ZNF497: variants seen among roughly 807,000 people sequenced by gnomAD.
ZNF497 encodes the protein zinc finger-like protein.
For synonymous variants in ZNF497, 422 were observed against 313.7 expected (o/e 1.35, Z -3.65); for missense variants, 930 against 714.0 (o/e 1.30, Z -3.45).
In ZNF497 at chr19:58,357,418, T is replaced by A. The variant is rs2052040306; in HGVS notation, c.218A>T (p.Glu73Val). The A allele has an allele frequency of 1.2e-6, 2 of 1,601,156 alleles. No individual in the cohort carries two copies. The highest frequency in any genetic ancestry group is 8.5e-7 in the Non-Finnish European group (1 of 1,174,482). Reference protein sequence around the residue: ...AADEQGGPGRELGPADGGRDG... With the variant: ...AADEQGGPGRVLGPADGGRDG... The stretch of plus-strand genomic sequence containing the variant: ...CCGCCCACCGTCTGCGGGGCCCAGC[T>A]CCCTGCCGGGGCCTCCCTGTTCGTC... The change falls in exon 3 of 3, where the codon GAG (glutamate) becomes GTG (valine). Residue 73 changes from glutamate (E) to valine (V), a missense_variant. Physicochemically the swap from Glu to Val is moderately radical, Grantham distance 121. Transcript: ENST00000311044.
intron 1 of ZNF497, among the ~76,000 whole-genome samples, chr19:58,361,893 G>T (rs78690819): frequency 0.02 from 3,053 of 152,292 alleles, 42 homozygotes; most frequent in South Asian, 0.032. Context: ...TCCATCCTGT[G>T]GTGTGCGACC....
At position 58,356,898 on chromosome 19, in the gene ZNF497, G is replaced by C. The variant is rs555875985; in HGVS notation, c.738C>G (p.His246Gln). 6.3e-7 allele frequency: 1 copy of C among 1,585,068 alleles called. No individual in the cohort carries two copies. Among genetic ancestry groups the C allele is most frequent in the Admixed American group, 1.8e-5 (1 of 57,020 alleles). ...AGGCCTTGCCACAGTCCCGGCAGGC[G>C]TGCGGCCGCGCGCCCGTGTGCACGC... Reference protein sequence around the residue: ...HRRVHTGARPHACRDCGKAFS... With the variant: ...HRRVHTGARPQACRDCGKAFS... The change falls in exon 3 of 3, where the codon CAC becomes CAG. Residue 246 changes from histidine to glutamine, a missense_variant. Transcript: ENST00000311044.
chr19:58,356,008 G>A lies in ZNF497; in HGVS notation c.*131C>T, dbSNP rs369505027. 7 of 1,061,110 alleles carry A rather than the reference G, an allele frequency of 6.6e-6. No homozygotes were observed. Among genetic ancestry groups the A allele is most frequent in the African/African-American group, 4.9e-5 (3 of 61,102 alleles). 65.7% of individuals were successfully genotyped at this position (1,061,110 alleles called of 1,614,324 possible). On this transcript the variant is annotated 3_prime_UTR_variant, in exon 3 of 3. Transcript: ENST00000311044. ...GCCAGGGTTCTCCACACCCAAGGCC[G>A]CCCCTGCACTCCCAGCAGGAGGGCG...
chr19:58,359,098 C>T, intron 1 of ZNF497: 1 of 959,682 alleles, frequency 1.0e-6, no homozygotes, highest in Non-Finnish European at 1.5e-6. Context: ...GGCAACACAG[C>T]TCACGCAGCT....
chr19:58,361,707 G>A (rs1166349737), intron 1 of ZNF497, among the ~76,000 whole-genome samples: 9 of 152,094 alleles, frequency 5.9e-5, no homozygotes, highest in Non-Finnish European at 1.3e-4. Context: ...AGCGTACATA[G>A]GGTATGCATT....
chr19:58,358,615 G>A (rs2052055016), intron 1 of ZNF497, 30 bp from the exon 2 acceptor site: 1 of 1,132,062 alleles, frequency 8.8e-7, no homozygotes, highest in Admixed American at 3.4e-5. Context: ...AGGGCAGGGT[G>A]AGGTGTTCAG....
chr19:58,357,541 C>T lies in ZNF497; in HGVS notation c.95G>A (p.Gly32Glu). The change falls in exon 3 of 3, where the codon GGG becomes GAG. Residue 32 changes from glycine to glutamate, a missense_variant. Transcript: ENST00000311044. ...VKTATRGLSE[G>E]AVSGGWGAWE... ...GGCCCCCCAGCCTCCAGACACAGCC[C>T]CCTCAGAGAGGCCCCTCGTGGCAGT... 1 of 1,605,830 alleles carries T rather than the reference C, an allele frequency of 6.2e-7. No individual in the cohort carries two copies. The highest frequency in any genetic ancestry group is 1.1e-5 in the South Asian group (1 of 90,186).
Position 58,356,752 on chromosome 19 carries a change from G to C in ZNF497, c.884C>G (p.Thr295Arg). Reference sequence around the variant, plus strand: ...GGGGAAGGGCTTCTCGCTGCTGTGCGTGCGCCGGTGCTGCCGCAGCCCCGC... The same window carrying C: ...GGGGAAGGGCTTCTCGCTGCTGTGCCTGCGCCGGTGCTGCCGCAGCCCCGC... ...RVAGLRQHRRTHSSEKPFPCA... is the reference protein window; with the variant it reads ...RVAGLRQHRRRHSSEKPFPCA... The change falls in exon 3 of 3, where the codon ACG (threonine) becomes AGG (arginine). Residue 295 changes from threonine (T) to arginine (R), a missense_variant. Physicochemically the swap from Thr to Arg is moderately conservative, Grantham distance 71. Transcript: ENST00000311044. 6.4e-7 allele frequency: 1 copy of C among 1,561,566 alleles called. No homozygotes were observed. Among genetic ancestry groups the C allele is most frequent in the Non-Finnish European group, 8.6e-7 (1 of 1,160,604 alleles).
At position 58,356,829 on chromosome 19, in the gene ZNF497, C is replaced by G. The variant is rs1487190130; in HGVS notation, c.807G>C (p.Ala269=). ...CGGGACAGGCGTGTGGCCGTGCGCC[C>G]GCGTGGATCTTCAGGTGCTCGGCCA... is the stretch of plus-strand genomic sequence containing the variant. The part of the protein sequence containing the change: ...SNLAEHLKIH[A]GARPHACPDC... Residue 269 remains alanine, a synonymous_variant, in exon 3 of 3, where the codon GCG becomes GCC. Coordinates refer to ENST00000311044, the MANE Select transcript of ZNF497 (RefSeq NM_198458.3). The G allele has an allele frequency of 1.3e-6, 2 of 1,570,386 alleles. No homozygotes were observed. The highest frequency in any genetic ancestry group is 1.8e-5 in the Admixed American group (1 of 54,902).
intron 1 of ZNF497, among the ~76,000 whole-genome samples, chr19:58,360,843 G>A (rs1004972994): frequency 2.4e-5 from 3 of 123,930 alleles, no homozygotes; most frequent in Non-Finnish European, 4.7e-5. Context: ...GTCCAGTGGC[G>A]CTATCCTGGC....
chr19:58,356,391 G>A lies in ZNF497; in HGVS notation c.1245C>T (p.Ala415=), dbSNP rs752347319. 2.6e-6 allele frequency: 4 copies of A among 1,565,518 alleles called. No homozygotes were observed. In the East Asian group the frequency reaches 7.0e-5, roughly 27 times the overall value. ...GGAAGGCCTTGCCGCATTCTGCGCA[G>A]GCGAAGGGTCGCTCTCCCGTGTGCG... The part of the protein sequence containing the change: ...RLSHTGERPF[A]CAECGKAFRG... The change falls in exon 3 of 3, where the codon GCC becomes GCT. Residue 415 remains alanine, a synonymous_variant. Coordinates refer to ENST00000311044, the MANE Select transcript of ZNF497 (RefSeq NM_198458.3).
At chr19:58,359,539 T>G (rs1267815643) in intron 1 of ZNF497, 1 of 449,466 alleles carries the variant, frequency 2.2e-6, no homozygotes, top group Non-Finnish European at 4.5e-6. Context: ...TCCCCGCTTT[T>G]CTTGAGGGTC....
rs1338673627 is a variant in ZNF497, at chr19:58,357,220, C to T, written c.416G>A (p.Cys139Tyr). Residue 139 changes from cysteine (C) to tyrosine (Y), a missense_variant, in exon 3 of 3, where the codon TGC (cysteine) becomes TAC (tyrosine). Coordinates refer to ENST00000311044, the MANE Select transcript of ZNF497 (RefSeq NM_198458.3). Reference protein sequence around the residue: ...TGEKPYTCPECGKAFAWSSNL... With the variant: ...TGEKPYTCPEYGKAFAWSSNL... ...GGAGCTCCAGGCGAAGGCCTTGCCG[C>T]ACTCGGGGCACGTGTACGGCTTCTC... 7.4e-6 allele frequency: 12 copies of T among 1,613,080 alleles called. No homozygotes were observed. The Admixed American group carries it at 1.2e-4, about 16-fold the overall frequency.
At position 58,356,885 on chromosome 19, in the gene ZNF497, A is replaced by AG; in HGVS notation, c.750dup (p.Cys251LeufsTer77). On this transcript the variant is annotated frameshift_variant, in exon 3 of 3. Coordinates refer to ENST00000311044, the MANE Select transcript of ZNF497 (RefSeq NM_198458.3). ...GAGCTCTGGCTGAAGGCCTTGCCAC[A>AG]GTCCCGGCAGGCGTGCGGCCGCGCG... The AG allele has an allele frequency of 1.3e-6, 2 of 1,593,826 alleles. No homozygotes were observed. The highest frequency in any genetic ancestry group is 1.7e-6 in the Non-Finnish European group (2 of 1,174,854).
chr19:58,357,408 G>T lies in ZNF497; in HGVS notation c.228C>A (p.Pro76=). ...EQGGPGRELG[P]ADGGRDGAGP... Reference sequence around the variant, plus strand: ...CAGCCCCGTCCCGCCCACCGTCTGCGGGGCCCAGCTCCCTGCCGGGGCCTC... The same window carrying T: ...CAGCCCCGTCCCGCCCACCGTCTGCTGGGCCCAGCTCCCTGCCGGGGCCTC... The change falls in exon 3 of 3, where the codon CCC becomes CCA. Residue 76 remains proline (P), a synonymous_variant. Coordinates refer to ENST00000311044, the MANE Select transcript of ZNF497 (RefSeq NM_198458.3). 1 of 1,599,294 alleles carries T rather than the reference G, an allele frequency of 6.3e-7. No homozygotes were observed. Among genetic ancestry groups the T allele is most frequent in the Non-Finnish European group, 8.5e-7 (1 of 1,174,068 alleles).
chr19:58,359,115 G>T, intron 1 of ZNF497: 2 of 1,130,966 alleles, frequency 1.8e-6, no homozygotes, highest in Non-Finnish European at 2.4e-6. Context: ...AGCTGAGCCA[G>T]GGCCCCTCGG....
In ZNF497 at chr19:58,356,682, C is replaced by G. The variant is rs771681447; in HGVS notation, c.954G>C (p.Leu318=). ...GKAFRESSQL[L]QHQRTHTGER... ...CACCAGTGTGCGTGCGCTGGTGCTG[C>G]AGGAGCTGCGAGCTCTCGCGGAAAG... is the stretch of plus-strand genomic sequence containing the variant. Residue 318 remains leucine, a synonymous_variant, in exon 3 of 3, where the codon CTG becomes CTC. Coordinates refer to ENST00000311044, the MANE Select transcript of ZNF497 (RefSeq NM_198458.3). 6.4e-7 allele frequency: 1 copy of G among 1,557,194 alleles called. No homozygotes were observed. Among genetic ancestry groups the G allele is most frequent in the Non-Finnish European group, 8.6e-7 (1 of 1,157,054 alleles).
chr19:58,357,937 A>G, intron 2 of ZNF497: 3 of 1,333,956 alleles, frequency 2.2e-6, no homozygotes, highest in East Asian at 3.1e-5. Context: ...GAAGGACTCA[A>G]AGTTGCCCAC....
At chr19:58,359,275 T>C in intron 1 of ZNF497, 1 of 1,289,660 alleles carries the variant, frequency 7.8e-7, no homozygotes, top group South Asian at 1.2e-5. Flanking sequence ...TCCTGCCCCT[T>C]TCCTGGGAGG....
Sources: gnomAD v4.1 joint callset for allele counts (sites outside exome capture counted in the v4.1 genomes callset) on GRCh38, gnomAD v4.1.1 for gene constraint, MANE v1.5 for transcripts, NCBI Gene and HGNC (gene_info 2026-07-23, HGNC 2026-07-21) for gene names.